The following EXT1 variants were observed in gnomAD, a reference collection of about 807,000 sequenced individuals.
EXT1 encodes exostosin glycosyltransferase 1.
Under a neutral mutation model 82.5 loss-of-function variants are expected in EXT1, and 20 were observed. The observed-to-expected ratio is 0.24, with a 90% CI of 0.17 to 0.35. EXT1 has a LOEUF of 0.35. EXT1 is among the 10% of genes least tolerant of loss of function. The pLI, the probability that EXT1 is intolerant of heterozygous loss-of-function variation, is 1.00. For synonymous variants in EXT1, 348 were observed against 350.8 expected (o/e 0.99, Z 0.09); for missense variants, 757 against 936.5 (o/e 0.81, Z 2.50).
chr8:117,873,182 A>G (rs1482446708), intron 1 of EXT1, among the ~76,000 whole-genome samples: 1 of 152,194 alleles, frequency 6.6e-6, no homozygotes, highest in African/African-American at 2.4e-5. Flanking sequence ...CCTCACCAGA[A>G]GCTGACCATG....
intron 1 of EXT1, among the ~76,000 whole-genome samples, chr8:117,882,998 A>G (rs1439331813): frequency 6.6e-6 from 1 of 151,144 alleles, no homozygotes; most frequent in Non-Finnish European, 1.5e-5. Context: ...AAAAAAAAAG[A>G]AAGAAAAAAA....
At chr8:117,849,600 T>G (rs115104436) in intron 1 of EXT1, among the ~76,000 whole-genome samples, 1 of 152,264 alleles carries the variant, frequency 6.6e-6, no homozygotes, top group Non-Finnish European at 1.5e-5. Flanking sequence ...CTCTAGTTAA[T>G]GGTATGATTC....
At chr8:118,059,784 A>C (rs542802341) in intron 1 of EXT1, among the ~76,000 whole-genome samples, 9 of 152,198 alleles carry the variant, frequency 5.9e-5, no homozygotes, top group Non-Finnish European at 1.3e-4. Flanking sequence ...TAAATCCCTT[A>C]ATCCCATAAT....
chr8:118,089,802 G>A (rs749568270), intron 1 of EXT1, among the ~76,000 whole-genome samples: 1 of 152,198 alleles, frequency 6.6e-6, no homozygotes, highest in Non-Finnish European at 1.5e-5. Context: ...CATAGGATAC[G>A]GGAGAGCCAG....
At chr8:117,868,995 C>A (rs1812823110) in intron 1 of EXT1, among the ~76,000 whole-genome samples, 1 of 152,112 alleles carries the variant, frequency 6.6e-6, no homozygotes, top group Admixed American at 6.5e-5. Flanking sequence ...CCCAGGACCT[C>A]CCCGGAGCCA....
At chr8:118,097,208 G>A (rs1025952168) in intron 1 of EXT1, among the ~76,000 whole-genome samples, 2 of 152,170 alleles carry the variant, frequency 1.3e-5, no homozygotes, top group Non-Finnish European at 2.9e-5. Flanking sequence ...CATTCTGGGA[G>A]GCCAAAGCAG....
chr8:117,957,055 T>C (rs1814600672), intron 1 of EXT1, among the ~76,000 whole-genome samples: 2 of 152,174 alleles, frequency 1.3e-5, no homozygotes, highest in Non-Finnish European at 2.9e-5. Context: ...CATCTGATAG[T>C]TCCGGGGAAG....
At chr8:117,823,004 G>A (rs889171608) in intron 4 of EXT1, among the ~76,000 whole-genome samples, 3 of 152,122 alleles carry the variant, frequency 2.0e-5, no homozygotes, top group African/African-American at 7.2e-5. Context: ...GGTCAATGTA[G>A]ACCTGTAGAT....
At chr8:117,887,542 G>A (rs1001695610) in intron 1 of EXT1, among the ~76,000 whole-genome samples, 1 of 152,044 alleles carries the variant, frequency 6.6e-6, no homozygotes, top group Non-Finnish European at 1.5e-5. Context: ...AGTAGAGACA[G>A]GGTTTCACCA....
intron 1 of EXT1, among the ~76,000 whole-genome samples, chr8:117,905,223 C>T (rs964418297): frequency 1.3e-5 from 2 of 152,100 alleles, no homozygotes; most frequent in African/African-American, 4.8e-5. Context: ...GTTGGCTGAC[C>T]GTGGGCAAGC....
chr8:118,059,446 T>C (rs1301574276), intron 1 of EXT1, among the ~76,000 whole-genome samples: 1 of 152,190 alleles, frequency 6.6e-6, no homozygotes, highest in East Asian at 1.9e-4. Context: ...AGGTGCCCAA[T>C]GGGGTCCAGC....
Position 117,799,496 on chromosome 8 carries a change from C to CTCT in EXT1, c.*215_*216insAGA. The CTCT allele has an allele frequency of 1.7e-6, 1 of 591,712 alleles. No homozygotes were observed. The highest frequency in any genetic ancestry group is 2.0e-5 in the South Asian group (1 of 49,542). The allele number at this position is 591,712 out of a possible 1,614,324, so 36.7% of individuals were successfully genotyped here. A position where few individuals can be genotyped will look rare whatever the true frequency, so the allele number is the denominator to read the frequency against. On this transcript the variant is annotated 3_prime_UTR_variant, in exon 11 of 11. Transcript: ENST00000378204. ...CTGTACACAACCTAGTCTTGGGACA[C>CTCT]AGAAGCCAGTGAGGTGAGTTTGGAG...
intron 1 of EXT1, among the ~76,000 whole-genome samples, chr8:118,108,210 A>G (rs1817833076): frequency 6.6e-6 from 1 of 152,258 alleles, no homozygotes; most frequent in Non-Finnish European, 1.5e-5. Context: ...AAAGGGTAAG[A>G]AAGATATTAT....
chr8:117,855,012 T>G (rs1812518054), intron 1 of EXT1, among the ~76,000 whole-genome samples: 1 of 152,224 alleles, frequency 6.6e-6, no homozygotes, highest in Non-Finnish European at 1.5e-5. Flanking sequence ...CTACTAAACC[T>G]TAAAATGCAG....
At chr8:117,939,017 A>T (rs1814221725) in intron 1 of EXT1, among the ~76,000 whole-genome samples, 1 of 151,678 alleles carries the variant, frequency 6.6e-6, no homozygotes, top group East Asian at 1.9e-4. Flanking sequence ...ATACAATCTC[A>T]TGCCCCCTCC....
intron 1 of EXT1, among the ~76,000 whole-genome samples, chr8:118,071,267 C>T (rs947056700): frequency 7.2e-5 from 11 of 152,184 alleles, no homozygotes; most frequent in African/African-American, 2.4e-4. Context: ...GTCTCAGGGG[C>T]CATTTTTATA....
intron 1 of EXT1, among the ~76,000 whole-genome samples, chr8:118,077,988 T>C (rs980113158): frequency 4.0e-4 from 61 of 152,214 alleles, no homozygotes; most frequent in African/African-American, 1.4e-3. Context: ...GTAGTAATCA[T>C]ATTTTGTATT....
At position 117,875,605 on chromosome 8, in the gene EXT1, C is replaced by T. The variant is rs1812955443; in HGVS notation, c.963-38404G>A. 5.9e-5 allele frequency among the ~76,000 whole-genome samples: 9 copies of T among 152,188 alleles called. No individual in the cohort carries two copies. The South Asian group carries it at 1.9e-3, about 32-fold the overall frequency. ...GCAAAATTGTTTTAGGCAATCCTCCCAATGCATTCTAGAGACTTTTCAGGG... is the reference window on the plus strand; with the variant it reads ...GCAAAATTGTTTTAGGCAATCCTCCTAATGCATTCTAGAGACTTTTCAGGG... On this transcript the variant is annotated intron_variant, in intron 1 of 10. Transcript: ENST00000378204.
In EXT1 at chr8:117,849,092, T is replaced by G. The variant is rs1342852980; in HGVS notation, c.963-11891A>C. On this transcript the variant is annotated intron_variant, in intron 1 of 10. Coordinates refer to ENST00000378204, the MANE Select transcript of EXT1 (RefSeq NM_000127.3). ...TAACTTCTATCTCTTGCACTTGCAC[T>G]TGCTGTGCCCTCTGCCTGGAATTCT... is the stretch of plus-strand genomic sequence containing the variant. 2.6e-5 allele frequency among the ~76,000 whole-genome samples: 4 copies of G among 152,216 alleles called. 1 individual carries two copies. The highest frequency in any genetic ancestry group is 2.6e-4 in the Admixed American group (4 of 15,278).
Sources: gnomAD v4.1 joint callset for allele counts (sites outside exome capture counted in the v4.1 genomes callset) on GRCh38, gnomAD v4.1.1 for gene constraint, MANE v1.5 for transcripts, NCBI Gene and HGNC (gene_info 2026-07-23, HGNC 2026-07-21) for gene names.